BCAM: variants seen among roughly 807,000 people sequenced by gnomAD.
BCAM encodes basal cell adhesion molecule.
BCAM carries 61 observed loss-of-function variants against 72.4 expected under a neutral mutation model. The ratio of observed to expected loss-of-function variants is 0.84; its 90% CI spans 0.69 to 1.04. BCAM has a LOEUF of 1.04. BCAM is among the 50% of genes least tolerant of loss of function. The pLI, the probability that BCAM is intolerant of heterozygous loss-of-function variation, is 0.00. For synonymous variants in BCAM, 408 were observed against 384.2 expected, an observed-to-expected ratio of 1.06 and a Z score of -0.73; for missense variants, 909 against 895.0, an observed-to-expected ratio of 1.02 and a Z score of -0.20.
rs139275212 is a variant in BCAM at position 44,813,568 on chromosome 19, C to A, written c.732C>A (p.Pro244=). Residue 244 remains proline (P), a synonymous_variant, in exon 6 of 15, where the codon CCC becomes CCA. Transcript: ENST00000270233. The surrounding 1 kb of genome is among the most constrained non-coding windows in gnomAD (Gnocchi z 4.2). ...SFHCAAHYSL[P]EGRHGRLDSP... is the part of the protein sequence containing the mutation. Reference sequence around the variant, plus strand: ...ACTGCGCCGCCCACTACAGCCTGCCCGAGGGCCGCCACGGCCGCCTGGACA... The same window carrying A: ...ACTGCGCCGCCCACTACAGCCTGCCAGAGGGCCGCCACGGCCGCCTGGACA... The A allele has an allele frequency of 1.9e-6, 3 of 1,612,644 alleles. No individual in the cohort carries two copies. The highest frequency in any genetic ancestry group is 3.3e-5 in the Admixed American group (2 of 60,008).
chr19:44,820,755 A>C lies in BCAM; in HGVS notation c.1814A>C (p.Gln605Pro). The change falls in exon 14 of 15, where the codon CAG becomes CCG. Residue 605 changes from glutamine (Q) to proline (P), a missense_variant. Physicochemically the swap from Gln to Pro is moderately conservative, Grantham distance 76. Coordinates refer to ENST00000270233, the MANE Select transcript of BCAM (RefSeq NM_005581.5). ...LSHSGSEQPE[Q>P]TGLLMGGASG... ...CACTCGGGGTCGGAGCAACCAGAGCAGACCGGCCTTCTCATGGGAGGTGCC... is the reference window on the plus strand; with the variant it reads ...CACTCGGGGTCGGAGCAACCAGAGCCGACCGGCCTTCTCATGGGAGGTGCC... The C allele has an allele frequency of 6.7e-7, 1 of 1,500,106 alleles. No individual in the cohort carries two copies. Among genetic ancestry groups the C allele is most frequent in the Non-Finnish European group, 8.9e-7 (1 of 1,119,898 alleles). The allele number at this position is 1,500,106 out of a possible 1,614,324, so 92.9% of individuals were successfully genotyped here. A position where few individuals can be genotyped will look rare whatever the true frequency, so the allele number is the denominator to read the frequency against.
At chr19:44,820,561 C>T (rs1968570891) in intron 13 of BCAM, 144 bp from the exon 14 acceptor site, 1 of 1,281,932 alleles carries the variant, frequency 7.8e-7, no homozygotes, top group East Asian at 3.2e-5. Flanking sequence ...CTACCCCATC[C>T]CTATGCCATC....
chr19:44,819,386 G>T lies in BCAM; in HGVS notation c.1514G>T (p.Ser505Ile). The change falls in exon 12 of 15, where the codon AGC becomes ATC. Residue 505 changes from serine to isoleucine, a missense_variant. Ser to Ile is a moderately radical substitution (Grantham distance 142). Transcript: ENST00000270233. ...CCCGGACGGCAGGGTTGGGTGAGCA[G>T]CTCTCTGACCCTGAAAGTGACCAGC... ...PIPGRQGWVS[S>I]SLTLKVTSAL... 3.1e-6 allele frequency: 5 copies of T among 1,614,092 alleles called. No homozygotes were observed. The highest frequency in any genetic ancestry group is 4.2e-6 in the Non-Finnish European group (5 of 1,179,968).
In BCAM at chr19:44,821,073, A is replaced by C. The variant is rs1266457825; in HGVS notation, c.*152A>C. The C allele has an allele frequency of 4.2e-5, 42 of 993,474 alleles. No individual in the cohort carries two copies. The highest frequency in any genetic ancestry group is 8.7e-5 in the Admixed American group (2 of 23,088). 61.5% of individuals were successfully genotyped at this position (993,474 alleles called of 1,614,324 possible). Reference sequence around the variant, plus strand: ...TCCTTCCTCTGCCGGCAAGGCAGGGACCCACAGTGGCTGCCTGCCTCCGGG... The same window carrying C: ...TCCTTCCTCTGCCGGCAAGGCAGGGCCCCACAGTGGCTGCCTGCCTCCGGG... On this transcript the variant is annotated 3_prime_UTR_variant, in exon 15 of 15. Coordinates refer to ENST00000270233, the MANE Select transcript of BCAM (RefSeq NM_005581.5).
At chr19:44,811,867 G>C (rs1413043371) in intron 2 of BCAM, 6 of 486,568 alleles carry the variant, frequency 1.2e-5, no homozygotes, top group Middle Eastern at 5.4e-4. Context: ...CCAGGCGACA[G>C]AGCAAGACTC....
In BCAM at chr19:44,819,736, C is replaced by T. The variant is rs760254560; in HGVS notation, c.1763+10C>T. ...GGGAGAAGGGGGCTCCGTGAGTGGC[C>T]TGCTATCTGCAATGACCACCATAGC... On this transcript the variant is annotated intron_variant, in intron 13 of 14. Coordinates refer to ENST00000270233, the MANE Select transcript of BCAM (RefSeq NM_005581.5). The T allele has an allele frequency of 1.3e-6, 2 of 1,589,598 alleles. No individual in the cohort carries two copies. The highest frequency in any genetic ancestry group is 2.7e-5 in the African/African-American group (2 of 73,748).
In BCAM at chr19:44,811,366, G is replaced by A; in HGVS notation, c.204+20G>A. 4 of 1,612,864 alleles carry A rather than the reference G, an allele frequency of 2.5e-6. No individual in the cohort carries two copies. The highest frequency in any genetic ancestry group is 3.4e-6 in the Non-Finnish European group (4 of 1,179,546). On this transcript the variant is annotated intron_variant, in intron 2 of 14. Transcript: ENST00000270233. ...TTCCTTGTGAGTGCTTGGGGCTGGG[G>A]GGCCTGGAGTCAGGGCACAGCAGGG... is the stretch of plus-strand genomic sequence containing the variant.
At chr19:44,810,398 C>T (rs1265374311) in intron 1 of BCAM, among the ~76,000 whole-genome samples, 4 of 152,154 alleles carry the variant, frequency 2.6e-5, no homozygotes, top group African/African-American at 9.7e-5. Flanking sequence ...CTCAGCCAGC[C>T]TGTCCCTCCC....
In BCAM at chr19:44,814,837, G is replaced by A. The variant is rs1968482666; in HGVS notation, c.1078+77G>A. 3 of 1,438,378 alleles carry A rather than the reference G, an allele frequency of 2.1e-6. No homozygotes were observed. The highest frequency in any genetic ancestry group is 1.4e-5 in the African/African-American group (1 of 70,762). 89.1% of individuals were successfully genotyped at this position (1,438,378 alleles called of 1,614,324 possible). A position where few individuals can be genotyped will look rare whatever the true frequency, so the allele number is the denominator to read the frequency against. ...TCTGCGCCCTCCTCCCTACAGCCCTGAAGTTGCTCTGTCATCCCAAACACT... is the reference window on the plus strand; with the variant it reads ...TCTGCGCCCTCCTCCCTACAGCCCTAAAGTTGCTCTGTCATCCCAAACACT... On this transcript the variant is annotated intron_variant, in intron 8 of 14. Coordinates refer to ENST00000270233, the MANE Select transcript of BCAM (RefSeq NM_005581.5). The surrounding 1 kb of genome is among the most constrained non-coding windows in gnomAD (Gnocchi z 4.6).
intron 14 of BCAM, 25 bp downstream of exon 14, chr19:44,820,847 G>C (rs768387107): frequency 7.2e-6 from 11 of 1,529,674 alleles, no homozygotes; most frequent in Admixed American, 2.2e-5. Flanking sequence ...GGGCCCCCTG[G>C]TGAGAGGGAC....
rs1468157006 is a variant in BCAM at position 44,811,443 on chromosome 19, A to G, written c.204+97A>G. ...GCCTAAGGCCTGTAGAGATCCACCAAGCCACACTCCTTGTTACAGATGGGG... is the reference window on the plus strand; with the variant it reads ...GCCTAAGGCCTGTAGAGATCCACCAGGCCACACTCCTTGTTACAGATGGGG... On this transcript the variant is annotated intron_variant, in intron 2 of 14. Coordinates refer to ENST00000270233, the MANE Select transcript of BCAM (RefSeq NM_005581.5). The G allele has an allele frequency of 8.9e-6, 14 of 1,568,272 alleles. No individual in the cohort carries two copies. The East Asian group carries it at 2.7e-4, about 31-fold the overall frequency.
chr19:44,809,269 G>A (rs1386772923), intron 1 of BCAM, 63 bp downstream of exon 1: 76 of 1,320,900 alleles, frequency 5.8e-5, no homozygotes, highest in Middle Eastern at 2.2e-4. Flanking sequence ...CCGGGAAAGC[G>A]AGGAGAAAGG....
chr19:44,811,746 G>T (rs868123277), intron 2 of BCAM: 1 of 305,712 alleles, frequency 3.3e-6, no homozygotes, highest in South Asian at 3.6e-5. Flanking sequence ...TTAGCTGGGC[G>T]TGATGGCATG....
At chr19:44,815,050 C>T (rs1968486683) in intron 8 of BCAM, among the ~76,000 whole-genome samples, 2 of 151,822 alleles carry the variant, frequency 1.3e-5, no homozygotes, top group African/African-American at 2.4e-5. Flanking sequence ...GTCGAGAGCT[C>T]TTTCCATAGC....
chr19:44,820,280 C>T, intron 13 of BCAM: 1 of 1,013,786 alleles, frequency 9.9e-7, no homozygotes, highest in Non-Finnish European at 1.2e-6. Flanking sequence ...CATTTCCCAA[C>T]CCTAGTCCTC....
Position 44,813,804 on chromosome 19 carries a change from C to A in BCAM, c.784+184C>A. On this transcript the variant is annotated intron_variant, in intron 6 of 14. Coordinates refer to ENST00000270233, the MANE Select transcript of BCAM (RefSeq NM_005581.5). The surrounding 1 kb of genome is among the most constrained non-coding windows in gnomAD (Gnocchi z 4.2). ...TTGGTCGCACAAGCCCCATCCTGACCTCTGACCTCCGACCTCCACTTAGCA... is the reference window on the plus strand; with the variant it reads ...TTGGTCGCACAAGCCCCATCCTGACATCTGACCTCCGACCTCCACTTAGCA... 1.1e-6 allele frequency: 1 copy of A among 885,806 alleles called. No homozygotes were observed. Among genetic ancestry groups the A allele is most frequent in the Non-Finnish European group, 1.7e-6 (1 of 597,874 alleles). 54.9% of individuals were successfully genotyped at this position (885,806 alleles called of 1,614,324 possible).
In BCAM at chr19:44,812,148, GC is replaced by G; in HGVS notation, c.205-11del. The G allele has an allele frequency of 6.3e-7, 1 of 1,586,028 alleles. No individual in the cohort carries two copies. ...CTGGGACACCCGGAGCTGAGAGCCT[GC>G]CCCGCGCCCACAGACCGACCGCTCG... is the stretch of plus-strand genomic sequence containing the variant. On this transcript the variant is annotated splice_polypyrimidine_tract_variant and intron_variant, in intron 2 of 14. Coordinates refer to ENST00000270233, the MANE Select transcript of BCAM (RefSeq NM_005581.5). The surrounding 1 kb of genome is among the most constrained non-coding windows in gnomAD (Gnocchi z 5.3).
intron 1 of BCAM, 146 bp downstream of exon 1, chr19:44,809,352 G>A: frequency 1.6e-6 from 1 of 608,502 alleles, no homozygotes; most frequent in Non-Finnish European, 2.4e-6. Context: ...TGGAAGGTAC[G>A]CCTTCCAGTG....
rs779970171 is a variant in BCAM, at chr19:44,812,198, G to A, written c.240G>A (p.Ser80=). Residue 80 remains serine, a synonymous_variant, in exon 3 of 15, where the codon TCG becomes TCA. Coordinates refer to ENST00000270233, the MANE Select transcript of BCAM (RefSeq NM_005581.5). The surrounding 1 kb of genome is among the most constrained non-coding windows in gnomAD (Gnocchi z 5.3). ...DRSGARPRLA[S]AEMQGSELQV... Reference sequence around the variant, plus strand: ...CGGGAGCTCGCCCCCGCCTAGCCTCGGCTGAGATGCAGGGCTCTGAGCTCC... The same window carrying A: ...CGGGAGCTCGCCCCCGCCTAGCCTCAGCTGAGATGCAGGGCTCTGAGCTCC... 23 of 1,604,798 alleles carry A rather than the reference G, an allele frequency of 1.4e-5. No homozygotes were observed. Among genetic ancestry groups the A allele is most frequent in the Admixed American group, 5.3e-5 (3 of 56,330 alleles).
Sources: allele counts gnomAD v4.1 joint callset (sites outside exome capture counted in the v4.1 genomes callset), GRCh38; gene constraint gnomAD v4.1.1; non-coding constraint Gnocchi (gnomAD v3.1); transcripts MANE v1.5; gene names NCBI Gene and HGNC (gene_info 2026-07-23, HGNC 2026-07-21).